Variants in TAFA5 observed in about 807,000 individuals in gnomAD.
The protein encoded by TAFA5 is TAFA chemokine like family member 5.
Under a neutral mutation model 15.3 loss-of-function variants are expected in TAFA5, and 6 were observed. That is an observed-to-expected ratio of 0.39 (90% CI 0.21 to 0.77). The LOEUF is 0.77. Among genes scored for constraint, TAFA5 ranks in the 30% least tolerant of loss-of-function variants. The pLI is 0.41. For synonymous variants in TAFA5, 103 were observed against 80.7 expected, an observed-to-expected ratio of 1.28 and a Z score of -1.48; for missense variants, 161 against 193.1, an observed-to-expected ratio of 0.83 and a Z score of 0.98.
At chr22:48,561,736 GA>G (rs1214062993) in intron 1 of TAFA5, among the ~76,000 whole-genome samples, 1 of 152,188 alleles carries the variant, frequency 6.6e-6, no homozygotes, top group Non-Finnish European at 1.5e-5. Flanking sequence ...CCCAGGTGTC[GA>G]AAAATCAATA....
intron 2 of TAFA5, among the ~76,000 whole-genome samples, chr22:48,680,351 T>A (rs1417080517): frequency 2.6e-5 from 4 of 152,198 alleles, no homozygotes; most frequent in African/African-American, 9.6e-5. Flanking sequence ...TCGAGGAGAC[T>A]TTAGTGCACA....
intron 1 of TAFA5, among the ~76,000 whole-genome samples, chr22:48,567,446 T>A (rs1302595713): frequency 6.6e-6 from 1 of 152,168 alleles, no homozygotes; most frequent in Non-Finnish European, 1.5e-5. Context: ...AAGTGTGAGT[T>A]AATGTGTGCA....
chr22:48,626,870 G>A (rs891545857), intron 1 of TAFA5, among the ~76,000 whole-genome samples: 51 of 152,200 alleles, frequency 3.4e-4, no homozygotes, highest in Non-Finnish European at 5.9e-4. Flanking sequence ...TTGTGAAAGT[G>A]TGAGGTTGGC....
intron 2 of TAFA5, among the ~76,000 whole-genome samples, chr22:48,681,712 G>T (rs1928196462): frequency 6.6e-6 from 1 of 151,966 alleles, no homozygotes; most frequent in Non-Finnish European, 1.5e-5. Flanking sequence ...TCCAAGAGAG[G>T]CGCTTTCCCT....
At chr22:48,497,470 G>A (rs990483396) in intron 1 of TAFA5, among the ~76,000 whole-genome samples, 4 of 151,362 alleles carry the variant, frequency 2.6e-5, no homozygotes, top group South Asian at 2.1e-4. Flanking sequence ...GTGGCCAGGG[G>A]TCATCAGTCT....
Position 48,682,003 on chromosome 22 carries a change from G to A in TAFA5, c.263-25714G>A, listed in dbSNP as rs144006847. ...GTTGTTGTGGACTCACTGGAGACTC[G>A]GGGCCTCCCAGGGCCTGAGGCTGCG... On this transcript the variant is annotated intron_variant, in intron 2 of 3. Transcript: ENST00000402357. Among the ~76,000 whole-genome samples the A allele has an allele frequency of 7.4e-3, 465 of 63,052 alleles. 71 individuals are homozygous for A. The East Asian group carries it at 0.091, about 12-fold the overall frequency. 41.4% of individuals were successfully genotyped at this position (63,052 alleles called of 152,430 possible).
Position 48,552,028 on chromosome 22 carries a change from T to A in TAFA5, c.112+62324T>A, listed in dbSNP as rs560466865. Among the ~76,000 whole-genome samples, 2 of 152,314 alleles carry A rather than the reference T, an allele frequency of 1.3e-5. No individual in the cohort carries two copies. The highest frequency in any genetic ancestry group is 3.9e-4 in the East Asian group (2 of 5,176). ...CCACGCCCTGCGATGGCCGTTCAGCTCTGACTGTCCTCCCGGCAGGAAGCG... is the reference window on the plus strand; with the variant it reads ...CCACGCCCTGCGATGGCCGTTCAGCACTGACTGTCCTCCCGGCAGGAAGCG... On this transcript the variant is annotated intron_variant, in intron 1 of 3. Transcript: ENST00000402357. The surrounding 1 kb of genome is among the most constrained non-coding windows in gnomAD (Gnocchi z 4.1).
chr22:48,627,296 A>G (rs1926056499), intron 1 of TAFA5, among the ~76,000 whole-genome samples: 2 of 152,204 alleles, frequency 1.3e-5, no homozygotes. Flanking sequence ...GGTACAGTGA[A>G]GGATGTGTTG....
At chr22:48,646,862 G>C (rs982180594) in intron 2 of TAFA5, 116 bp downstream of exon 2, 2 of 1,295,722 alleles carry the variant, frequency 1.5e-6, no homozygotes, top group Non-Finnish European at 2.1e-6. Context: ...GCGCATCCTC[G>C]GGTCAGGCCC....
intron 1 of TAFA5, among the ~76,000 whole-genome samples, chr22:48,602,865 A>G (rs146861643): frequency 6.6e-6 from 1 of 152,258 alleles, no homozygotes; most frequent in African/African-American, 2.4e-5. Context: ...TTGGTGTCAC[A>G]TGGGGCCATT....
At chr22:48,625,053 A>G (rs1255099133) in intron 1 of TAFA5, among the ~76,000 whole-genome samples, 1 of 151,668 alleles carries the variant, frequency 6.6e-6, no homozygotes, top group Non-Finnish European at 1.5e-5. Flanking sequence ...AGGCAGAGGT[A>G]GTGGTGAGTC....
At chr22:48,637,521 T>C (rs950476246) in intron 1 of TAFA5, among the ~76,000 whole-genome samples, 1 of 152,204 alleles carries the variant, frequency 6.6e-6, no homozygotes, top group South Asian at 2.1e-4. Context: ...AACATCCTAA[T>C]TGATGTGCGG....
intron 2 of TAFA5, among the ~76,000 whole-genome samples, chr22:48,698,410 G>C (rs1282176593): frequency 1.3e-5 from 2 of 151,154 alleles, no homozygotes; most frequent in Non-Finnish European, 2.9e-5. Context: ...TGGTGATGGT[G>C]ATAATGATGG....
chr22:48,707,607 G>A (rs1929120596), intron 2 of TAFA5, 110 bp from the exon 3 acceptor site: 1 of 1,350,744 alleles, frequency 7.4e-7, no homozygotes, highest in South Asian at 1.4e-5. Flanking sequence ...AGCCACGCCG[G>A]GCATTGCCTG....
At chr22:48,656,615 A>G (rs568912299) in intron 2 of TAFA5, among the ~76,000 whole-genome samples, 52 of 152,276 alleles carry the variant, frequency 3.4e-4, no homozygotes, top group Admixed American at 3.4e-3. Flanking sequence ...CAATATCTAC[A>G]TCAAGTGGAA....
Position 48,718,194 on chromosome 22 carries a change from G to A in TAFA5, c.390+10350G>A, listed in dbSNP as rs184234006. ...AGGTGGTATCAGGGTGCACCCAGGC[G>A]TCCTCACCCGGCCTCTCCCTGGGAT... On this transcript the variant is annotated intron_variant, in intron 3 of 3. Transcript: ENST00000402357. 4.3e-4 allele frequency among the ~76,000 whole-genome samples: 66 copies of A among 152,286 alleles called. No individual in the cohort carries two copies. In the East Asian group the frequency reaches 0.011, roughly 25 times the overall value.
At chr22:48,557,773 G>A (rs888402974) in intron 1 of TAFA5, among the ~76,000 whole-genome samples, 1 of 152,192 alleles carries the variant, frequency 6.6e-6, no homozygotes, top group African/African-American at 2.4e-5. Flanking sequence ...GGTGATGGGC[G>A]ATCATTGTTC....
rs150166162 is a variant in TAFA5 at position 48,660,028 on chromosome 22, C to T, written c.262+13282C>T. On this transcript the variant is annotated intron_variant, in intron 2 of 3. Transcript: ENST00000402357. The stretch of plus-strand genomic sequence containing the variant: ...CCCTGCTCCGGGTGTGGGGCGGGGA[C>T]GGCTCTGGGCCATGTTTGGGGCCTG... 5.6e-3 allele frequency among the ~76,000 whole-genome samples: 857 copies of T among 152,232 alleles called. 1 individual carries two copies. The highest frequency in any genetic ancestry group is 0.019 in the African/African-American group (807 of 41,538).
At chr22:48,698,069 A>ATGGTGATGGTGG (rs1569084070) in intron 2 of TAFA5, among the ~76,000 whole-genome samples, 1 of 149,902 alleles carries the variant, frequency 6.7e-6, no homozygotes, top group Non-Finnish European at 1.5e-5. Flanking sequence ...TGTCATAATG[A>ATGGTGATGGTGG]TGGTGATGGT....
Sources: gnomAD v4.1 joint callset for allele counts (sites outside exome capture counted in the v4.1 genomes callset) on GRCh38, gnomAD v4.1.1 for gene constraint, Gnocchi (gnomAD v3.1) non-coding constraint, MANE v1.5 for transcripts, NCBI Gene and HGNC (gene_info 2026-07-23, HGNC 2026-07-21) for gene names.